Variants in RBFOX1 observed in about 807,000 individuals in gnomAD.
RBFOX1 encodes the protein RNA binding fox-1 homolog 1, also known as RNA binding protein fox-1 homolog 1.
RBFOX1 carries 8 observed loss-of-function variants against 57.7 expected under a neutral mutation model. The observed-to-expected ratio is 0.14, with a 90% CI of 0.08 to 0.25. The LOEUF (loss-of-function observed/expected upper bound fraction) is 0.25, where lower values mean the gene tolerates loss of function less well. Ranked by LOEUF, RBFOX1 falls within the 10% of genes least tolerant of loss-of-function variation. RBFOX1 has a pLI of 1.00. For synonymous variants in RBFOX1, 326 were observed against 222.4 expected (o/e 1.47, Z -4.15); for missense variants, 611 against 548.5 (o/e 1.11, Z -1.14).
At chr16:5,943,462 A>G (rs1340976654) in intron 4 of RBFOX1, among the ~76,000 whole-genome samples, 2 of 152,202 alleles carry the variant, frequency 1.3e-5, no homozygotes, top group East Asian at 1.9e-4. Flanking sequence ...AAAGAAAAAT[A>G]TGAGGAATTC....
At chr16:6,992,286 C>T (rs1006251269) in intron 3 of RBFOX1, among the ~76,000 whole-genome samples, 10 of 152,036 alleles carry the variant, frequency 6.6e-5, no homozygotes, top group South Asian at 2.1e-4. Flanking sequence ...GGTGCAATCT[C>T]GGCTCATTGC....
chr16:6,094,514 G>C (rs918559095), intron 1 of RBFOX1, among the ~76,000 whole-genome samples: 8 of 152,160 alleles, frequency 5.3e-5, no homozygotes, highest in Non-Finnish European at 2.9e-5. Flanking sequence ...ACCAACAGTA[G>C]CAAGCATTCC....
chr16:5,492,152 G>C (rs1201779839), intron 2 of RBFOX1, among the ~76,000 whole-genome samples: 1 of 152,146 alleles, frequency 6.6e-6, no homozygotes, highest in Non-Finnish European at 1.5e-5. Context: ...AGCCCTCCAG[G>C]ACATGCTGGT....
intron 1 of RBFOX1, among the ~76,000 whole-genome samples, chr16:5,400,047 T>C (rs991485507): frequency 7.9e-5 from 12 of 152,056 alleles, no homozygotes; most frequent in African/African-American, 2.9e-4. Context: ...GAGCTGACAC[T>C]CATCATTCCA....
intron 3 of RBFOX1, among the ~76,000 whole-genome samples, chr16:5,644,641 TC>T (rs918193564): frequency 1.3e-5 from 2 of 152,190 alleles, no homozygotes; most frequent in African/African-American, 4.8e-5. Flanking sequence ...CACAATTTTT[TC>T]CTCCACAAAT....
intron 4 of RBFOX1, among the ~76,000 whole-genome samples, chr16:5,998,763 G>A (rs996634269): frequency 6.6e-6 from 1 of 152,020 alleles, no homozygotes; most frequent in East Asian, 1.9e-4. Context: ...GCATTTTTTC[G>A]CATACTCCTT....
At chr16:7,179,399 C>G (rs2082264296) in intron 4 of RBFOX1, among the ~76,000 whole-genome samples, 1 of 152,128 alleles carries the variant, frequency 6.6e-6, no homozygotes, top group Admixed American at 6.5e-5. Context: ...TTTTCTCTGC[C>G]TTCCATCTCT....
intron 4 of RBFOX1, among the ~76,000 whole-genome samples, chr16:7,317,980 G>A (rs1659056574): frequency 6.6e-6 from 1 of 152,106 alleles, no homozygotes; most frequent in Non-Finnish European, 1.5e-5. Context: ...GATGGTGGTG[G>A]TGATAGTGGT....
intron 1 of RBFOX1, among the ~76,000 whole-genome samples, chr16:6,265,076 C>T (rs554706071): frequency 1.0e-3 from 155 of 152,192 alleles, no homozygotes; most frequent in African/African-American, 3.1e-3. Flanking sequence ...ATTCCATTTC[C>T]TTTTTCCCTA....
intron 3 of RBFOX1, among the ~76,000 whole-genome samples, chr16:5,688,587 A>G (rs758568236): frequency 1.3e-5 from 2 of 151,928 alleles, no homozygotes; most frequent in Admixed American, 6.6e-5. Flanking sequence ...TCTGGTCCCA[A>G]CATGAACTGG....
intron 2 of RBFOX1, among the ~76,000 whole-genome samples, chr16:5,494,776 C>T (rs2042945527): frequency 6.6e-6 from 1 of 152,150 alleles, no homozygotes; most frequent in South Asian, 2.1e-4. Flanking sequence ...GCTTTCGCTC[C>T]CTGGGCATCT....
chr16:6,669,255 A>G (rs1364079841), intron 3 of RBFOX1, among the ~76,000 whole-genome samples: 1 of 152,196 alleles, frequency 6.6e-6, no homozygotes, highest in Non-Finnish European at 1.5e-5. Context: ...GTGGGAAACC[A>G]TGCCCGTGTG....
At chr16:7,212,167 C>T (rs139042015) in intron 4 of RBFOX1, among the ~76,000 whole-genome samples, 173 of 152,280 alleles carry the variant, frequency 1.1e-3, no homozygotes, top group African/African-American at 4.0e-3. Context: ...TCCGGGAGGA[C>T]TGCTTGGGGC....
At chr16:7,504,877 G>T (rs1258107441) in intron 4 of RBFOX1, among the ~76,000 whole-genome samples, 1 of 143,720 alleles carries the variant, frequency 7.0e-6, no homozygotes, top group Admixed American at 7.1e-5. Context: ...TGTTCTGGCT[G>T]TTAGTTTGTA....
intron 1 of RBFOX1, among the ~76,000 whole-genome samples, chr16:5,440,751 A>C (rs754406862): frequency 3.3e-5 from 5 of 152,208 alleles, no homozygotes; most frequent in African/African-American, 7.2e-5. Context: ...TGGTGGTGAT[A>C]GGGATAAATT....
chr16:6,457,984 C>G (rs548089615), intron 2 of RBFOX1, among the ~76,000 whole-genome samples: 8 of 147,718 alleles, frequency 5.4e-5, no homozygotes, highest in Admixed American at 4.8e-4. Context: ...TGTGCACACA[C>G]ATACATAGGT....
intron 14 of RBFOX1, among the ~76,000 whole-genome samples, chr16:7,700,213 A>G (rs1025080504): frequency 6.6e-6 from 1 of 152,190 alleles, no homozygotes; most frequent in Non-Finnish European, 1.5e-5. Context: ...CTGATCCCAC[A>G]TAAAATAGAC....
intron 3 of RBFOX1, among the ~76,000 whole-genome samples, chr16:6,789,440 A>C (rs749275154): frequency 6.6e-6 from 1 of 152,142 alleles, no homozygotes; most frequent in South Asian, 2.1e-4. Flanking sequence ...AGCGTGTGGA[A>C]GGCGAGAGAA....
intron 2 of RBFOX1, among the ~76,000 whole-genome samples, chr16:6,536,315 T>C (rs1469459823): frequency 1.3e-5 from 2 of 152,080 alleles, no homozygotes; most frequent in Non-Finnish European, 2.9e-5. Context: ...AGGAAAAAAA[T>C]AGATATCACT....
Sources: gnomAD v4.1 joint callset for allele counts (sites outside exome capture counted in the v4.1 genomes callset) on GRCh38, gnomAD v4.1.1 for gene constraint, MANE v1.5 for transcripts, NCBI Gene and HGNC (gene_info 2026-07-23, HGNC 2026-07-21) for gene names.